The following CFTR variants were observed in gnomAD, a reference collection of about 807,000 sequenced individuals.
CFTR encodes the protein cystic fibrosis transmembrane conductance regulator.
Under a neutral mutation model 171.6 loss-of-function variants are expected in CFTR, and 181 were observed. The observed-to-expected ratio is 1.05, with a 90% confidence interval of 0.93 to 1.19. CFTR has a LOEUF of 1.19. Among genes scored for constraint, CFTR ranks in the 50% most tolerant of loss-of-function variants. The pLI is 0.00. For synonymous variants in CFTR, 583 were observed against 608.0 expected (o/e 0.96, Z 0.60); for missense variants, 1,968 against 1,734.7 (o/e 1.13, Z -2.39).
At chr7:117,564,325 CAA>C (rs994996203) in intron 11 of CFTR, among the ~76,000 whole-genome samples, 5 of 152,154 alleles carry the variant, frequency 3.3e-5, no homozygotes, top group Non-Finnish European at 5.9e-5. Flanking sequence ...CAGTCAAAAT[CAA>C]AAGTGTCCCC....
At chr7:117,566,027 A>G (rs1056699640) in intron 11 of CFTR, among the ~76,000 whole-genome samples, 3 of 152,196 alleles carry the variant, frequency 2.0e-5, no homozygotes, top group African/African-American at 7.2e-5. Context: ...TTGAATGGTC[A>G]ATCCACCACT....
At chr7:117,602,143 G>A (rs1792236120) in intron 15 of CFTR, among the ~76,000 whole-genome samples, 2 of 152,076 alleles carry the variant, frequency 1.3e-5, no homozygotes, top group Admixed American at 1.3e-4. Context: ...AGCAATTCTG[G>A]TGCCTCGGCC....
At chr7:117,664,624 T>A (rs1793337861) in intron 24 of CFTR, 64 bp from the exon 25 acceptor site, 16 of 1,461,680 alleles carry the variant, frequency 1.1e-5, no homozygotes, top group Non-Finnish European at 1.4e-5. Flanking sequence ...TGTTTATTTT[T>A]AGAATGTCAA....
chr7:117,551,025 T>A (rs906729669), intron 10 of CFTR, among the ~76,000 whole-genome samples: 10 of 152,238 alleles, frequency 6.6e-5, no homozygotes, highest in African/African-American at 2.4e-4. Flanking sequence ...CTCAATACAA[T>A]TTGGTAATTT....
chr7:117,665,419 G>C, intron 25 of CFTR, 40 bp from the exon 26 acceptor site: 3 of 1,130,200 alleles, frequency 2.7e-6, no homozygotes, highest in Non-Finnish European at 4.1e-6. Context: ...GATCATTACT[G>C]TTCTGTGATA....
At chr7:117,569,735 T>C (rs931577603) in intron 11 of CFTR, among the ~76,000 whole-genome samples, 1 of 152,118 alleles carries the variant, frequency 6.6e-6, no homozygotes, top group African/African-American at 2.4e-5. Context: ...GACCCTTTTC[T>C]AGAGTAGGAT....
At chr7:117,640,824 C>T (rs1223935501) in intron 22 of CFTR, among the ~76,000 whole-genome samples, 1 of 152,118 alleles carries the variant, frequency 6.6e-6, no homozygotes, top group Non-Finnish European at 1.5e-5. Context: ...AGCTAAATTA[C>T]ATAAGTTCAT....
intron 24 of CFTR, among the ~76,000 whole-genome samples, chr7:117,658,649 C>G (rs568616384): frequency 2.6e-5 from 4 of 152,270 alleles, no homozygotes; most frequent in East Asian, 1.9e-4. Flanking sequence ...TGAATGGCAT[C>G]CCATCCTCCA....
At chr7:117,647,849 TAA>T (rs1793017396) in intron 23 of CFTR, among the ~76,000 whole-genome samples, 1 of 151,760 alleles carries the variant, frequency 6.6e-6, no homozygotes, top group Non-Finnish European at 1.5e-5. Flanking sequence ...TTCTCTACCA[TAA>T]ACTTAGGATC....
intron 11 of CFTR, among the ~76,000 whole-genome samples, chr7:117,583,018 A>G (rs902276292): frequency 1.3e-5 from 2 of 152,098 alleles, no homozygotes; most frequent in Non-Finnish European, 2.9e-5. Flanking sequence ...CCCTCCTCCT[A>G]TTTCCTTGAC....
At chr7:117,549,200 G>T (rs10487371) in intron 10 of CFTR, among the ~76,000 whole-genome samples, 11,714 of 151,916 alleles carry the variant, frequency 0.077, 1,459 homozygotes, top group African/African-American at 0.27. Flanking sequence ...TTTTGCCTTA[G>T]TAACCACATA....
intron 22 of CFTR, among the ~76,000 whole-genome samples, chr7:117,641,015 A>T (rs186667502): frequency 6.6e-6 from 1 of 152,298 alleles, no homozygotes; most frequent in Admixed American, 6.5e-5. Flanking sequence ...TCAAGAAAAA[A>T]TAAAAAAAGT....
At chr7:117,627,970 G>C (rs1584830484) in intron 22 of CFTR, 200 bp downstream of exon 22, 2 of 534,570 alleles carry the variant, frequency 3.7e-6, no homozygotes, top group East Asian at 6.4e-5. Flanking sequence ...CTATATAATG[G>C]GTTTATTTTA....
At chr7:117,643,274 G>A (rs538715898) in intron 23 of CFTR, among the ~76,000 whole-genome samples, 28 of 152,160 alleles carry the variant, frequency 1.8e-4, no homozygotes, top group Middle Eastern at 3.4e-3. Context: ...CTGTATTTTT[G>A]CTGGTATTTT....
intron 8 of CFTR, among the ~76,000 whole-genome samples, chr7:117,540,938 C>T (rs7791289): frequency 0.098 from 14,922 of 151,506 alleles, 2,436 homozygotes; most frequent in African/African-American, 0.34. Context: ...GGAGATGTCT[C>T]ACACACACAC....
chr7:117,586,502 G>T (rs145880858), intron 11 of CFTR: 1 of 152,100 alleles, frequency 6.6e-6, no homozygotes, highest in Non-Finnish European at 1.5e-5. Flanking sequence ...ACCACCAAAT[G>T]GTTCTTAATA....
At chr7:117,501,781 A>AC (rs1798335262) in intron 1 of CFTR, among the ~76,000 whole-genome samples, 3 of 139,006 alleles carry the variant, frequency 2.2e-5, no homozygotes, top group Non-Finnish European at 4.7e-5. Flanking sequence ...AGAAACAAAA[A>AC]AAAAAAAAAA....
At chr7:117,625,840 A>G (rs1459061485) in intron 21 of CFTR, among the ~76,000 whole-genome samples, 1 of 152,188 alleles carries the variant, frequency 6.6e-6, no homozygotes, top group East Asian at 1.9e-4. Context: ...GCAGCTCTCT[A>G]TGAAAATTAG....
At chr7:117,581,757 T>C (rs1157287770) in intron 11 of CFTR, among the ~76,000 whole-genome samples, 3 of 152,166 alleles carry the variant, frequency 2.0e-5, no homozygotes, top group Non-Finnish European at 4.4e-5. Context: ...TATTTTGCTT[T>C]ATTTATTTTT....
Sources: gnomAD v4.1 joint callset for allele counts (sites outside exome capture counted in the v4.1 genomes callset) on GRCh38, gnomAD v4.1.1 for gene constraint, MANE v1.5 for transcripts, NCBI Gene and HGNC (gene_info 2026-07-23, HGNC 2026-07-21) for gene names.